CUBN: variants seen among roughly 807,000 people sequenced by gnomAD.
The protein encoded by CUBN is 460 kDa receptor.
CUBN carries 282 observed loss-of-function variants against 405.3 expected under a neutral mutation model. The observed-to-expected ratio is 0.70, with a 90% CI of 0.63 to 0.77. CUBN has a LOEUF of 0.77. CUBN is among the 30% of genes least tolerant of loss of function. CUBN has a pLI of 0.00. For synonymous variants in CUBN, 1,684 were observed against 1,617.0 expected (o/e 1.04, Z -0.99); for missense variants, 4,514 against 4,475.2 (o/e 1.01, Z -0.25).
intron 54 of CUBN, among the ~76,000 whole-genome samples, chr10:16,896,099 T>A (rs1489158197): frequency 6.6e-6 from 1 of 152,206 alleles, no homozygotes; most frequent in Non-Finnish European, 1.5e-5. Flanking sequence ...TCTGACCACT[T>A]GTGGAAATGT....
intron 14 of CUBN, among the ~76,000 whole-genome samples, chr10:17,093,792 A>G (rs555192678): frequency 1.3e-5 from 2 of 152,296 alleles, no homozygotes; most frequent in African/African-American, 4.8e-5. Context: ...GATAAAACTT[A>G]GAGGAAAAGG....
rs779217863 is a variant in CUBN at position 16,877,073 on chromosome 10, C to G, written c.8930G>C (p.Cys2977Ser). Residue 2977 changes from cysteine to serine, a missense_variant, in exon 57 of 67, where the codon TGT (cysteine) becomes TCT (serine). Cys to Ser is a moderately radical substitution (Grantham distance 112). This residue lies in a region of CUBN where 1,186 missense variants were observed against 1,186.9 expected (regional missense o/e 1.00). Coordinates refer to ENST00000377833, the MANE Select transcript of CUBN (RefSeq NM_001081.4). ...LEARSAVTGS[C>S]VNDGVHIIRG... ...GATAATGTGCACGCCATCGTTGACACAGCTTCCCGTCACAGCGGAACGAGC... is the reference window on the plus strand; with the variant it reads ...GATAATGTGCACGCCATCGTTGACAGAGCTTCCCGTCACAGCGGAACGAGC... The G allele has an allele frequency of 6.8e-6, 11 of 1,613,852 alleles. No homozygotes were observed. Among genetic ancestry groups the G allele is most frequent in the South Asian group, 1.1e-5 (1 of 91,054 alleles).
chr10:16,907,589 T>A lies in CUBN; in HGVS notation c.7624A>T (p.Thr2542Ser), dbSNP rs2131438749. 6.2e-7 allele frequency: 1 copy of A among 1,613,878 alleles called. No homozygotes were observed. Among genetic ancestry groups the A allele is most frequent in the Non-Finnish European group, 8.5e-7 (1 of 1,180,024 alleles). The change falls in exon 49 of 67, where the codon ACA (threonine) becomes TCA (serine). Residue 2542 changes from threonine (T) to serine (S), a missense_variant. This residue lies in a region of CUBN where 1,613 missense variants were observed against 1,542.8 expected (regional missense o/e 1.05). Coordinates refer to ENST00000377833, the MANE Select transcript of CUBN (RefSeq NM_001081.4). ...TCCGTGAAAAAAATGACTTTCATTG[T>A]GTTTCCTGAAGATTTAATCTCATTG... ...VSNEIKSSGN[T>S]MKVIFFTDGS...
chr10:17,013,232 C>CCT (rs931076959), intron 28 of CUBN, among the ~76,000 whole-genome samples: 12 of 150,628 alleles, frequency 8.0e-5, no homozygotes, highest in South Asian at 2.1e-4. Context: ...TCTGTCTCTT[C>CCT]CTCTCTCTCT....
chr10:17,038,598 A>C (rs973708819), intron 27 of CUBN, among the ~76,000 whole-genome samples: 4 of 152,224 alleles, frequency 2.6e-5, no homozygotes, highest in African/African-American at 9.6e-5. Context: ...TTCTGGCTCT[A>C]GTAACAGGCA....
intron 17 of CUBN, among the ~76,000 whole-genome samples, chr10:17,076,951 C>T (rs1204756998): frequency 6.6e-6 from 1 of 152,168 alleles, no homozygotes; most frequent in African/African-American, 2.4e-5. Context: ...GTTGTTGCTA[C>T]TAATTGTTTG....
chr10:17,099,089 G>C (rs1304079599), intron 14 of CUBN, among the ~76,000 whole-genome samples: 3 of 152,018 alleles, frequency 2.0e-5, no homozygotes, highest in Non-Finnish European at 4.4e-5. Flanking sequence ...TCTTTGAAAA[G>C]AACAAAGTTG....
At chr10:17,052,348 C>T (rs995762378) in intron 22 of CUBN, among the ~76,000 whole-genome samples, 1 of 151,978 alleles carries the variant, frequency 6.6e-6, no homozygotes, top group Non-Finnish European at 1.5e-5. Flanking sequence ...GAATGAAGAA[C>T]ACTGGAAATG....
At chr10:17,090,425 C>T (rs979947670) in intron 14 of CUBN, among the ~76,000 whole-genome samples, 1 of 151,628 alleles carries the variant, frequency 6.6e-6, no homozygotes, top group Non-Finnish European at 1.5e-5. Context: ...AAAGCTAGAC[C>T]TCTCATAATC....
chr10:16,841,430 G>A (rs1839345531), intron 60 of CUBN, among the ~76,000 whole-genome samples: 1 of 152,012 alleles, frequency 6.6e-6, no homozygotes, highest in Non-Finnish European at 1.5e-5. Context: ...TTCCTCTTTA[G>A]TGTATCCTCA....
At position 16,888,444 on chromosome 10, in the gene CUBN, A is replaced by G. The variant is rs772022870; in HGVS notation, c.8878T>C (p.Leu2960=). The G allele has an allele frequency of 3.7e-6, 6 of 1,613,538 alleles. No homozygotes were observed. Among genetic ancestry groups the G allele is most frequent in the Non-Finnish European group, 5.1e-6 (6 of 1,179,514 alleles). ...IEANPLSVVL[L]TFVSFHLEAR... is the part of the protein sequence containing the mutation. ...TCTAAGTGGAAGGACACAAAAGTCAAGAGGACCACTGACAGAGGATTAGCC... is the reference window on the plus strand; with the variant it reads ...TCTAAGTGGAAGGACACAAAAGTCAGGAGGACCACTGACAGAGGATTAGCC... The change falls in exon 56 of 67, where the codon TTG becomes CTG. Residue 2960 remains leucine (L), a synonymous_variant. Coordinates refer to ENST00000377833, the MANE Select transcript of CUBN (RefSeq NM_001081.4).
At chr10:16,910,298 C>A (rs192731718) in intron 48 of CUBN, among the ~76,000 whole-genome samples, 1 of 151,958 alleles carries the variant, frequency 6.6e-6, no homozygotes, top group African/African-American at 2.4e-5. Context: ...TCTTCTTCCT[C>A]TTTTCGGCAA....
At position 16,904,086 on chromosome 10, in the gene CUBN, G is replaced by T; in HGVS notation, c.7942C>A (p.Leu2648Ile). 2.5e-6 allele frequency: 4 copies of T among 1,613,792 alleles called. No homozygotes were observed. Among genetic ancestry groups the T allele is most frequent in the Non-Finnish European group, 3.4e-6 (4 of 1,179,736 alleles). Residue 2648 changes from leucine (L) to isoleucine (I), a missense_variant, in exon 51 of 67, where the codon CTT (leucine) becomes ATT (isoleucine). By Grantham distance (5) the Leu-to-Ile change is conservative. Coordinates refer to ENST00000377833, the MANE Select transcript of CUBN (RefSeq NM_001081.4). ...GDADGPLMWR[L>I]CGPSKPTLPL... is the part of the protein sequence containing the mutation. ...AATGTAGGCTTTGAAGGACCACAAAGTCTCCACATCAGGGGCCCATCAGCA... is the reference window on the plus strand; with the variant it reads ...AATGTAGGCTTTGAAGGACCACAAATTCTCCACATCAGGGGCCCATCAGCA...
At chr10:16,850,470 T>G (rs1839653083) in intron 60 of CUBN, among the ~76,000 whole-genome samples, 1 of 152,098 alleles carries the variant, frequency 6.6e-6, no homozygotes, top group Non-Finnish European at 1.5e-5. Context: ...CTTTTTTATT[T>G]TATTTATTTA....
At chr10:16,992,069 T>G (rs897554879) in intron 28 of CUBN, among the ~76,000 whole-genome samples, 10 of 152,140 alleles carry the variant, frequency 6.6e-5, no homozygotes, top group Non-Finnish European at 1.0e-4. Flanking sequence ...CCATAAAAAA[T>G]GATGAGTTCA....
rs1836054178 is a variant in CUBN, at chr10:17,084,438, A to G, written c.2134T>C (p.Tyr712His). The change falls in exon 17 of 67, where the codon TAC becomes CAC. Residue 712 changes from tyrosine (Y) to histidine (H), a missense_variant. By Grantham distance (83) the Tyr-to-His change is moderately conservative. Around this residue, in one of 5 missense-constraint regions of CUBN, gnomAD observed 1,448 missense variants for 1,388.0 expected, o/e 1.04. Transcript: ENST00000377833. ...SPSDLRCGGN[Y>H]TDPEGELFLP... ...AAGAGTTCACCCTCTGGGTCCGTGT[A>G]GTTCCCACCACAACGCAGATCCGCT... 3.7e-6 allele frequency: 6 copies of G among 1,613,656 alleles called. No homozygotes were observed. The highest frequency in any genetic ancestry group is 5.1e-6 in the Non-Finnish European group (6 of 1,179,914).
At position 16,916,049 on chromosome 10, in the gene CUBN, A is replaced by G. The variant is rs372395978; in HGVS notation, c.7001-19T>C. 69 of 1,604,968 alleles carry G rather than the reference A, an allele frequency of 4.3e-5. No individual in the cohort carries two copies. The African/African-American group carries it at 8.4e-4, about 20-fold the overall frequency. On this transcript the variant is annotated intron_variant, in intron 45 of 66. Coordinates refer to ENST00000377833, the MANE Select transcript of CUBN (RefSeq NM_001081.4). ...CACTGAGCTGCAAAAAATAAAAATA[A>G]ATAAATAAATAAGAAAGCAAGCAAG... is the stretch of plus-strand genomic sequence containing the variant.
intron 6 of CUBN, among the ~76,000 whole-genome samples, chr10:17,121,281 A>G (rs1837033499): frequency 6.6e-6 from 1 of 152,208 alleles, no homozygotes; most frequent in African/African-American, 2.4e-5. Context: ...AAACAAAAGT[A>G]TCAAATAAAA....
chr10:17,073,730 G>C (rs1446069812), intron 17 of CUBN, among the ~76,000 whole-genome samples: 2 of 152,170 alleles, frequency 1.3e-5, no homozygotes, highest in African/African-American at 2.4e-5. Context: ...ACACGCGTGA[G>C]CCACTGCGCC....
Sources: allele counts gnomAD v4.1 joint callset (sites outside exome capture counted in the v4.1 genomes callset), GRCh38; gene constraint gnomAD v4.1.1; regional missense constraint gnomAD v4.1.1; transcripts MANE v1.5; gene names NCBI Gene and HGNC (gene_info 2026-07-23, HGNC 2026-07-21).